Variants in FAM13C observed in about 807,000 individuals in gnomAD.
FAM13C encodes the protein protein FAM13C.
A neutral mutation model predicts 73.2 loss-of-function variants in FAM13C; 37 were observed. That is an observed-to-expected ratio of 0.51 (90% CI 0.39 to 0.67). The LOEUF (loss-of-function observed/expected upper bound fraction) is 0.67, where lower values mean the gene tolerates loss of function less well. FAM13C is among the 30% of genes least tolerant of loss of function. FAM13C has a pLI of 0.00. For synonymous variants in FAM13C, 246 were observed against 260.9 expected (o/e 0.94, Z 0.55); for missense variants, 589 against 715.6 (o/e 0.82, Z 2.02).
At chr10:59,251,474 AT>A (rs1443720485) in intron 13 of FAM13C, 100 bp downstream of exon 13, 7 of 967,958 alleles carry the variant, frequency 7.2e-6, no homozygotes, top group Non-Finnish European at 1.2e-5. Flanking sequence ...AATTATATAC[AT>A]TTTGTAAAAA....
At chr10:59,361,387 G>C (rs1856392271) in intron 1 of FAM13C, among the ~76,000 whole-genome samples, 3 of 152,102 alleles carry the variant, frequency 2.0e-5, no homozygotes, top group South Asian at 2.1e-4. Flanking sequence ...GAAGCCAAAA[G>C]CAAAACATTT....
intron 3 of FAM13C, among the ~76,000 whole-genome samples, chr10:59,348,607 A>G (rs1854614613): frequency 6.6e-6 from 1 of 152,132 alleles, no homozygotes; most frequent in Admixed American, 6.5e-5. Context: ...AGACTTGCCT[A>G]TTGAGTTTAA....
At chr10:59,343,948 TC>T (rs1309230002) in intron 3 of FAM13C, among the ~76,000 whole-genome samples, 1 of 149,702 alleles carries the variant, frequency 6.7e-6, no homozygotes, top group East Asian at 2.0e-4. Context: ...ATAAACTATT[TC>T]TTTTTTTTTT....
chr10:59,340,283 T>C (rs139388598), intron 3 of FAM13C, among the ~76,000 whole-genome samples: 242 of 152,342 alleles, frequency 1.6e-3, no homozygotes, highest in African/African-American at 5.4e-3. Context: ...GAATATTATC[T>C]CCATTGCCCA....
chr10:59,262,780 C>T (rs544779823), intron 9 of FAM13C, 135 bp from the exon 10 acceptor site: 23 of 702,714 alleles, frequency 3.3e-5, no homozygotes, highest in South Asian at 3.2e-4. Context: ...CACAGGGCAA[C>T]GGCAACCCTT....
chr10:59,353,665 G>A (rs537119916), intron 2 of FAM13C, among the ~76,000 whole-genome samples: 1 of 152,310 alleles, frequency 6.6e-6, no homozygotes. Flanking sequence ...CAGGAAGGAT[G>A]AGTTCCAGGT....
chr10:59,328,871 A>G (rs1424781872), intron 3 of FAM13C, among the ~76,000 whole-genome samples: 1 of 152,206 alleles, frequency 6.6e-6, no homozygotes, highest in South Asian at 2.1e-4. Context: ...GGAAAATCTT[A>G]TATTTTCAGT....
chr10:59,350,489 C>T (rs936503396), intron 3 of FAM13C, among the ~76,000 whole-genome samples: 7 of 152,178 alleles, frequency 4.6e-5, no homozygotes, highest in Non-Finnish European at 5.9e-5. Flanking sequence ...CTTTGGGGAA[C>T]CTGTGCCCTC....
Position 59,324,044 on chromosome 10 carries a change from A to G in FAM13C, c.387T>C (p.His129=), listed in dbSNP as rs779070675. 7 of 1,613,022 alleles carry G rather than the reference A, an allele frequency of 4.3e-6. No individual in the cohort carries two copies. The East Asian group carries it at 8.9e-5, about 21-fold the overall frequency. The stretch of plus-strand genomic sequence containing the variant: ...TGAAGGCATTGTTTTGTGGACTCTC[A>G]TGAGCTGGTGTTCCTGCTCTCACCT... ...ECQVRAGTPA[H]ESPQNNAFKC... Residue 129 remains histidine, a synonymous_variant, in exon 4 of 14, where the codon CAT becomes CAC. Coordinates refer to ENST00000618804, the MANE Select transcript of FAM13C (RefSeq NM_198215.4).
chr10:59,264,029 A>T (rs567885131), intron 9 of FAM13C, 56 bp downstream of exon 9: 1 of 1,477,580 alleles, frequency 6.8e-7, no homozygotes, highest in Non-Finnish European at 9.5e-7. Context: ...GGAGCACATT[A>T]TCACTAGTTT....
At chr10:59,313,454 T>G (rs905978215) in intron 4 of FAM13C, among the ~76,000 whole-genome samples, 1 of 152,186 alleles carries the variant, frequency 6.6e-6, no homozygotes, top group African/African-American at 2.4e-5. Flanking sequence ...ACCACTTTCT[T>G]GATCCCCACT....
chr10:59,362,379 T>C lies in FAM13C; in HGVS notation c.62+20A>G. On this transcript the variant is annotated intron_variant, in intron 1 of 13. Coordinates refer to ENST00000618804, the MANE Select transcript of FAM13C (RefSeq NM_198215.4). ...AGAGAAAGGCATGCAAGTCTAATTT[T>C]AATGGTAAGAATCACTTACTCTGTT... is the stretch of plus-strand genomic sequence containing the variant. The C allele has an allele frequency of 6.2e-7, 1 of 1,613,124 alleles. No homozygotes were observed. Among genetic ancestry groups the C allele is most frequent in the African/African-American group, 1.3e-5 (1 of 75,036 alleles).
chr10:59,337,289 G>A (rs1286496481), intron 3 of FAM13C, among the ~76,000 whole-genome samples: 2 of 152,186 alleles, frequency 1.3e-5, no homozygotes, highest in East Asian at 1.9e-4. Context: ...ATAGGGCTTG[G>A]AGACCCTTAG....
At chr10:59,359,659 C>T (rs542976644) in intron 1 of FAM13C, among the ~76,000 whole-genome samples, 1 of 152,322 alleles carries the variant, frequency 6.6e-6, no homozygotes, top group East Asian at 1.9e-4. Context: ...AAACAGACTG[C>T]CTACCTATAG....
chr10:59,303,974 C>G (rs1377118072), intron 4 of FAM13C, among the ~76,000 whole-genome samples: 1 of 151,984 alleles, frequency 6.6e-6, no homozygotes, highest in Non-Finnish European at 1.5e-5. Context: ...ATGGTGAAAC[C>G]CTGTCTCTAC....
At chr10:59,321,795 G>A (rs1850337044) in intron 4 of FAM13C, among the ~76,000 whole-genome samples, 1 of 152,114 alleles carries the variant, frequency 6.6e-6, no homozygotes, top group East Asian at 1.9e-4. Context: ...ATTTTCTGAA[G>A]ACTGACTACT....
intron 4 of FAM13C, among the ~76,000 whole-genome samples, chr10:59,305,695 T>C (rs925725376): frequency 2.0e-5 from 3 of 152,184 alleles, no homozygotes; most frequent in Non-Finnish European, 4.4e-5. Context: ...GTTAAGGAGA[T>C]GGTAATAGAA....
chr10:59,347,386 A>C (rs1038955408), intron 3 of FAM13C, among the ~76,000 whole-genome samples: 1 of 152,192 alleles, frequency 6.6e-6, no homozygotes, highest in Non-Finnish European at 1.5e-5. Flanking sequence ...TCAAACTAAA[A>C]TTTGAATCTG....
intron 4 of FAM13C, 116 bp from the exon 5 acceptor site, chr10:59,302,980 C>A (rs1231872691): frequency 2.5e-6 from 2 of 814,706 alleles, no homozygotes; most frequent in Non-Finnish European, 4.0e-6. Flanking sequence ...TGGTTGTGTC[C>A]CACTGCCTGT....
Sources: gnomAD v4.1 joint callset for allele counts (sites outside exome capture counted in the v4.1 genomes callset) on GRCh38, gnomAD v4.1.1 for gene constraint, MANE v1.5 for transcripts, NCBI Gene and HGNC (gene_info 2026-07-23, HGNC 2026-07-21) for gene names.